IRF3: variants seen among roughly 807,000 people sequenced by gnomAD.
The protein encoded by IRF3 is interferon regulatory factor 3.
IRF3 carries 29 observed loss-of-function variants against 43.2 expected under a neutral mutation model. The observed-to-expected ratio is 0.67, with a 90% confidence interval of 0.50 to 0.91. IRF3 has a LOEUF of 0.91. Ranked by LOEUF, IRF3 falls within the 40% of genes least tolerant of loss-of-function variation. The pLI is 0.00. For missense variants in IRF3, 505 were observed against 559.1 expected (o/e 0.90, Z 0.98); for synonymous variants, 228 against 233.9 (o/e 0.97, Z 0.23).
chr19:49,664,103 C>T (rs1293356112), intron 2 of IRF3, among the ~76,000 whole-genome samples: 1 of 152,142 alleles, frequency 6.6e-6, no homozygotes, highest in Non-Finnish European at 1.5e-5. Context: ...TGGGCTCAAG[C>T]GATCCTCCCG....
intron 4 of IRF3, 83 bp downstream of exon 4, chr19:49,663,104 TG>T (rs1165907646): frequency 3.3e-6 from 4 of 1,205,422 alleles, no homozygotes; most frequent in South Asian, 1.2e-5. Context: ...GGCAGGGGAG[TG>T]GGGGGATCGT....
Position 49,663,367 on chromosome 19 carries a change from T to A in IRF3, c.313A>T (p.Lys105Ter). Reference protein sequence around the residue: ...DRSKDPHDPHKIYEFVNSGVG... With the variant: ...DRSKDPHDPH ...CCTGAGTTCACAAACTCGTAGATTT[T>A]ATGTGGGTCGTGAGGGTCCTTGCTC... The change falls in exon 3 of 8, where the codon AAA becomes TAA. Residue 105 changes from lysine (K) to a stop codon, truncating the protein, a stop_gained. Transcript: ENST00000377139. LOFTEE classifies it high-confidence loss of function. 1 of 1,614,212 alleles carries A rather than the reference T, an allele frequency of 6.2e-7. No homozygotes were observed. Among genetic ancestry groups the A allele is most frequent in the Non-Finnish European group, 8.5e-7 (1 of 1,180,034 alleles).
chr19:49,659,963 G>C, intron 7 of IRF3, 130 bp from the exon 8 acceptor site: 1 of 746,454 alleles, frequency 1.3e-6, no homozygotes, highest in African/African-American at 2.3e-5. Context: ...ATAGGCCTAG[G>C]GCTGCTGGGA....
At chr19:49,663,010 G>C (rs2081412691) in intron 4 of IRF3, among the ~76,000 whole-genome samples, 178 bp downstream of exon 4, 1 of 152,182 alleles carries the variant, frequency 6.6e-6, no homozygotes, top group Non-Finnish European at 1.5e-5. Context: ...TTGAATGCTG[G>C]GTGAAGACTT....
intron 7 of IRF3, 136 bp downstream of exon 7, chr19:49,660,577 G>C (rs963737464): frequency 1.1e-6 from 1 of 901,210 alleles, no homozygotes; most frequent in African/African-American, 1.7e-5. Context: ...TCCCGGGGAT[G>C]AAAAACTGGT....
At position 49,663,942 on chromosome 19, in the gene IRF3, C is replaced by G; in HGVS notation, c.166-428G>C. 2.2e-5 allele frequency: 5 copies of G among 224,732 alleles called. 1 individual carries two copies. In the South Asian group the frequency reaches 2.8e-4, roughly 13 times the overall value. The allele number at this position is 224,732 out of a possible 1,614,324, so 13.9% of individuals were successfully genotyped here. A position where few individuals can be genotyped will look rare whatever the true frequency, so the allele number is the denominator to read the frequency against. On this transcript the variant is annotated intron_variant, in intron 2 of 7. Transcript: ENST00000377139. ...AACTCCTGACCTCAGGTGATCCGTC[C>G]TCCTCGGCCTCCCAAAGTGCTGGGA...
chr19:49,664,888 C>T (rs756025198), intron 1 of IRF3, 42 bp from the exon 2 acceptor site: 2 of 1,576,814 alleles, frequency 1.3e-6, no homozygotes, highest in Admixed American at 3.5e-5. Context: ...CGGCCTCCCC[C>T]GGACCCACCT....
At chr19:49,659,864 A>G in intron 7 of IRF3, 31 bp from the exon 8 acceptor site, 2 of 1,548,434 alleles carry the variant, frequency 1.3e-6, no homozygotes, top group African/African-American at 1.4e-5. Flanking sequence ...GGAGTCAGGG[A>G]AAACACCCAG....
At chr19:49,663,043 G>A (rs546431670) in intron 4 of IRF3, 145 bp downstream of exon 4, 28 of 748,976 alleles carry the variant, frequency 3.7e-5, no homozygotes, top group East Asian at 3.2e-4. Flanking sequence ...TGAGGAGACC[G>A]GGGCAGGGAC....
At chr19:49,660,225 A>T (rs1035860584) in intron 7 of IRF3, among the ~76,000 whole-genome samples, 4 of 152,022 alleles carry the variant, frequency 2.6e-5, no homozygotes, top group African/African-American at 9.7e-5. Context: ...AGGGGTCCCC[A>T]ACCCCCCTAC....
rs1350591746 is a variant in IRF3, at chr19:49,660,894, T to C, written c.983-66A>G. ...CTCTACCCACCCTTCCCCGTAAACTTGAATGATAACCCCCACCACCTCCCC... is the reference window on the plus strand; with the variant it reads ...CTCTACCCACCCTTCCCCGTAAACTCGAATGATAACCCCCACCACCTCCCC... On this transcript the variant is annotated intron_variant, in intron 6 of 7. Transcript: ENST00000377139. The C allele has an allele frequency of 3.3e-6, 5 of 1,531,648 alleles. No individual in the cohort carries two copies. In the Admixed American group the frequency reaches 1.0e-4, roughly 31 times the overall value. 94.9% of individuals were successfully genotyped at this position (1,531,648 alleles called of 1,614,324 possible). A position where few individuals can be genotyped will look rare whatever the true frequency, so the allele number is the denominator to read the frequency against.
intron 1 of IRF3, 105 bp downstream of exon 1, chr19:49,665,526 C>T (rs898875582): frequency 2.2e-5 from 7 of 320,828 alleles, no homozygotes; most frequent in Non-Finnish European, 4.1e-5. Context: ...CTCCACTTTC[C>T]CCAGAGTACA....
intron 6 of IRF3, 90 bp downstream of exon 6, chr19:49,661,858 C>T (rs1209566161): frequency 3.3e-5 from 48 of 1,468,698 alleles, no homozygotes; most frequent in Non-Finnish European, 4.2e-5. Flanking sequence ...GGACTACAGG[C>T]GTGAGCCACC....
chr19:49,664,531 C>T, intron 2 of IRF3, 143 bp downstream of exon 2: 1 of 1,591,080 alleles, frequency 6.3e-7, no homozygotes, highest in Non-Finnish European at 8.5e-7. Context: ...AGCCCCGCCC[C>T]TCCCGTTCTA....
chr19:49,665,666 A>G lies in IRF3; in HGVS notation c.-44T>C. 2.0e-6 allele frequency: 2 copies of G among 988,288 alleles called. No individual in the cohort carries two copies. Among genetic ancestry groups the G allele is most frequent in the Non-Finnish European group, 2.9e-6 (2 of 684,442 alleles). The allele number at this position is 988,288 out of a possible 1,614,324, so 61.2% of individuals were successfully genotyped here. Reference sequence around the variant, plus strand: ...AGGTCGGGGCGTGCGGGCAGCTGGAACCCACCCCTGTCTTGGAGCTCCGGG... The same window carrying G: ...AGGTCGGGGCGTGCGGGCAGCTGGAGCCCACCCCTGTCTTGGAGCTCCGGG... On this transcript the variant is annotated 5_prime_UTR_variant, in exon 1 of 8. Coordinates refer to ENST00000377139, the MANE Select transcript of IRF3 (RefSeq NM_001571.6).
chr19:49,659,984 TACACACACACACACACACACACACACAC>T (rs5828408), intron 7 of IRF3, 151 bp from the exon 8 acceptor site: 13 of 323,966 alleles, frequency 4.0e-5, no homozygotes, highest in East Asian at 1.6e-4. Flanking sequence ...GTTGTAGTTT[TACACACACACACACACACACACACACAC>T]ACACACACAC....
At position 49,662,629 on chromosome 19, in the gene IRF3, CAAA is replaced by C. The variant is rs921778685; in HGVS notation, c.409-15_409-13del. On this transcript the variant is annotated splice_polypyrimidine_tract_variant and intron_variant, in intron 4 of 7. Coordinates refer to ENST00000377139, the MANE Select transcript of IRF3 (RefSeq NM_001571.6). ...TCCAGAATGTCTTCCTGGAGGGAAA[CAAA>C]AAAAGAGAATCAGGCATTTCCATAT... is the stretch of plus-strand genomic sequence containing the variant. The C allele has an allele frequency of 6.6e-7, 1 of 1,523,218 alleles. No homozygotes were observed. The highest frequency in any genetic ancestry group is 8.8e-7 in the Non-Finnish European group (1 of 1,137,230). The allele number at this position is 1,523,218 out of a possible 1,614,324, so 94.4% of individuals were successfully genotyped here. A position where few individuals can be genotyped will look rare whatever the true frequency, so the allele number is the denominator to read the frequency against.
Position 49,665,508 on chromosome 19 carries a change from C to T in IRF3, c.-9+123G>A, listed in dbSNP as rs143931729. The T allele has an allele frequency of 5.0e-3, 1,428 of 283,396 alleles. 7 individuals are homozygous for T. The highest frequency in any genetic ancestry group is 7.4e-3 in the Non-Finnish European group (1,104 of 148,714). The allele number at this position is 283,396 out of a possible 1,614,324, so 17.6% of individuals were successfully genotyped here. A position where few individuals can be genotyped will look rare whatever the true frequency, so the allele number is the denominator to read the frequency against. On this transcript the variant is annotated intron_variant, in intron 1 of 7. Coordinates refer to ENST00000377139, the MANE Select transcript of IRF3 (RefSeq NM_001571.6). ...CCTCCAGCGTCGGCCACTGTAGCTC[C>T]TTCCTTGCTCCACTTTCCCCAGAGT...
Position 49,664,682 on chromosome 19 carries a change from T to G in IRF3, c.157A>C (p.Ile53Leu). The change falls in exon 2 of 8, where the codon ATC becomes CTC. Residue 53 changes from isoleucine to leucine, a missense_variant. Physicochemically the swap from Ile to Leu is conservative, Grantham distance 5. Coordinates refer to ENST00000377139, the MANE Select transcript of IRF3 (RefSeq NM_001571.6). ...CAGGTCGTCGCACGCACCTGGAAGA[T>G]TCCGAAATCCTCCTGCTGTGCATCC... ...RQDAQQEDFGIFQAWAEATGA... is the reference protein window; with the variant it reads ...RQDAQQEDFGLFQAWAEATGA... 6.2e-7 allele frequency: 1 copy of G among 1,613,522 alleles called. No homozygotes were observed. Among genetic ancestry groups the G allele is most frequent in the Non-Finnish European group, 8.5e-7 (1 of 1,179,576 alleles).
Sources: allele counts gnomAD v4.1 joint callset (sites outside exome capture counted in the v4.1 genomes callset), GRCh38; gene constraint gnomAD v4.1.1; transcripts MANE v1.5; gene names NCBI Gene and HGNC (gene_info 2026-07-23, HGNC 2026-07-21).